The following COL28A1 variants were observed in gnomAD, a reference collection of about 807,000 sequenced individuals.
The protein encoded by COL28A1 is collagen type XXVIII alpha 1 chain.
A neutral mutation model predicts 150.2 loss-of-function variants in COL28A1; 161 were observed. The observed-to-expected ratio is 1.07, with a 90% CI of 0.94 to 1.22. The LOEUF (loss-of-function observed/expected upper bound fraction) is 1.22. Among genes scored for constraint, COL28A1 ranks in the 50% most tolerant of loss-of-function variants. The pLI is 0.00. For synonymous variants in COL28A1, 552 were observed against 469.7 expected, an observed-to-expected ratio of 1.18 and a Z score of -2.26; for missense variants, 1,617 against 1,388.3, an observed-to-expected ratio of 1.16 and a Z score of -2.62.
intron 26 of COL28A1, among the ~76,000 whole-genome samples, chr7:7,418,908 G>C (rs1475293808): frequency 6.6e-6 from 1 of 152,116 alleles, no homozygotes; most frequent in African/African-American, 2.4e-5. Flanking sequence ...TGAGTTGAGG[G>C]ACAAAACAGA....
chr7:7,510,347 C>T (rs560126523), intron 9 of COL28A1, among the ~76,000 whole-genome samples: 68 of 152,234 alleles, frequency 4.5e-4, no homozygotes, highest in African/African-American at 1.6e-3. Context: ...TGCAGTGGCA[C>T]GATCTTGGCT....
At chr7:7,398,456 T>C (rs946879026) in intron 27 of COL28A1, among the ~76,000 whole-genome samples, 8 of 152,222 alleles carry the variant, frequency 5.3e-5, no homozygotes, top group Admixed American at 2.0e-4. Context: ...ACTATGTTGA[T>C]TGCTTCATGG....
intron 15 of COL28A1, among the ~76,000 whole-genome samples, chr7:7,461,581 A>C (rs78776205): frequency 0.015 from 2,216 of 152,226 alleles, 24 homozygotes; most frequent in Middle Eastern, 0.024. Context: ...TTCAGTTTGC[A>C]CTGGAGCTAG....
At chr7:7,492,727 C>T (rs1271605885) in intron 11 of COL28A1, among the ~76,000 whole-genome samples, 1 of 151,644 alleles carries the variant, frequency 6.6e-6, no homozygotes, top group African/African-American at 2.4e-5. Context: ...ACAAAGGAAT[C>T]CTGCCTCAAA....
At chr7:7,459,902 C>T (rs1787476173) in intron 15 of COL28A1, among the ~76,000 whole-genome samples, 1 of 152,206 alleles carries the variant, frequency 6.6e-6, no homozygotes, top group Non-Finnish European at 1.5e-5. Context: ...CAGACAAAAA[C>T]AGCAAACACT....
intron 18 of COL28A1, among the ~76,000 whole-genome samples, chr7:7,445,495 C>G (rs1786184207): frequency 3.9e-5 from 6 of 152,186 alleles, no homozygotes; most frequent in Admixed American, 3.9e-4. Context: ...CACTCAGTTC[C>G]TAGTACTTTC....
chr7:7,432,383 C>T, intron 25 of COL28A1, 90 bp downstream of exon 25: 1 of 968,850 alleles, frequency 1.0e-6, no homozygotes, highest in Non-Finnish European at 1.6e-6. Context: ...CTCTACTCTT[C>T]TAGCTGATAA....
chr7:7,384,597 T>A (rs1782074738), intron 27 of COL28A1, among the ~76,000 whole-genome samples: 1 of 152,160 alleles, frequency 6.6e-6, no homozygotes. Context: ...TAGGCCTTAT[T>A]ATAGGTATGT....
At chr7:7,363,762 A>T (rs183773742) in intron 33 of COL28A1, among the ~76,000 whole-genome samples, 25 of 152,024 alleles carry the variant, frequency 1.6e-4, no homozygotes, top group African/African-American at 5.8e-4. Context: ...CTATATTATG[A>T]TCATTCTATA....
At chr7:7,508,130 G>A (rs1363780293) in intron 9 of COL28A1, among the ~76,000 whole-genome samples, 1 of 152,026 alleles carries the variant, frequency 6.6e-6, no homozygotes, top group Non-Finnish European at 1.5e-5. Flanking sequence ...TACTGGGGAG[G>A]CTGAGGCAGG....
At position 7,472,828 on chromosome 7, in the gene COL28A1, T is replaced by C. The variant is rs186831222; in HGVS notation, c.1302+1773A>G. On this transcript the variant is annotated intron_variant, in intron 15 of 34. Coordinates refer to ENST00000399429, the MANE Select transcript of COL28A1 (RefSeq NM_001037763.3). ...ATGGTACTGGTATAAAATAGGCACA[T>C]AGACCAGTGGAACAGAATAAAGAAC... Among the ~76,000 whole-genome samples, 814 of 152,290 alleles carry C rather than the reference T, an allele frequency of 5.3e-3. 4 individuals are homozygous for C. The highest frequency in any genetic ancestry group is 8.8e-3 in the Non-Finnish European group (600 of 68,008).
chr7:7,459,233 T>C (rs190993153), intron 15 of COL28A1, among the ~76,000 whole-genome samples: 25 of 152,336 alleles, frequency 1.6e-4, no homozygotes, highest in African/African-American at 5.8e-4. Context: ...AAACAATGGT[T>C]CTGTTGTATT....
intron 27 of COL28A1, among the ~76,000 whole-genome samples, chr7:7,399,802 G>A (rs1173380600): frequency 2.6e-5 from 4 of 152,218 alleles, no homozygotes; most frequent in Non-Finnish European, 5.9e-5. Flanking sequence ...ATCTGAGACA[G>A]TTAAATAAAG....
At chr7:7,427,296 G>C (rs952325311) in intron 25 of COL28A1, among the ~76,000 whole-genome samples, 1 of 152,144 alleles carries the variant, frequency 6.6e-6, no homozygotes, top group African/African-American at 2.4e-5. Context: ...GTATGGCTCT[G>C]GCTTTAATTA....
intron 25 of COL28A1, among the ~76,000 whole-genome samples, chr7:7,423,306 G>C (rs1422915907): frequency 6.6e-6 from 1 of 152,126 alleles, no homozygotes; most frequent in African/African-American, 2.4e-5. Context: ...CATTTCACTA[G>C]TCTTTCCACT....
chr7:7,494,379 A>G, intron 11 of COL28A1, among the ~76,000 whole-genome samples: 1 of 152,144 alleles, frequency 6.6e-6, no homozygotes, highest in East Asian at 1.9e-4. Flanking sequence ...AGTCACAGGG[A>G]AAAAACCATG....
intron 33 of COL28A1, among the ~76,000 whole-genome samples, chr7:7,362,142 C>A (rs571528168): frequency 1.3e-5 from 2 of 152,176 alleles, no homozygotes; most frequent in Admixed American, 1.3e-4. Context: ...AACAAACCTG[C>A]ACATTCTGCA....
At chr7:7,397,937 C>T (rs2128297280) in intron 27 of COL28A1, among the ~76,000 whole-genome samples, 1 of 152,298 alleles carries the variant, frequency 6.6e-6, no homozygotes, top group South Asian at 2.1e-4. Context: ...TTGGTCCTGT[C>T]ATGAGAATAT....
chr7:7,393,501 T>A lies in COL28A1; in HGVS notation c.2137-11889A>T, dbSNP rs192373969. 1.4e-3 allele frequency among the ~76,000 whole-genome samples: 220 copies of A among 152,326 alleles called. 1 individual carries two copies. Among genetic ancestry groups the A allele is most frequent in the Non-Finnish European group, 1.8e-3 (122 of 68,034 alleles). Reference sequence around the variant, plus strand: ...AACGCTGGGCTGGGAGATGCACTGCTCTCTTCAAAGCCAGCAGGCAGGGAT... The same window carrying A: ...AACGCTGGGCTGGGAGATGCACTGCACTCTTCAAAGCCAGCAGGCAGGGAT... On this transcript the variant is annotated intron_variant, in intron 27 of 34. Transcript: ENST00000399429.
Sources: gnomAD v4.1 joint callset for allele counts (sites outside exome capture counted in the v4.1 genomes callset) on GRCh38, gnomAD v4.1.1 for gene constraint, MANE v1.5 for transcripts, NCBI Gene and HGNC (gene_info 2026-07-23, HGNC 2026-07-21) for gene names.